The following RALYL variants were observed in gnomAD, a reference collection of about 807,000 sequenced individuals.
RALYL encodes the protein RNA-binding Raly-like protein.
Under a neutral mutation model 35.1 loss-of-function variants are expected in RALYL, and 29 were observed. That is an observed-to-expected ratio of 0.83 (90% CI 0.61 to 1.13). The LOEUF (loss-of-function observed/expected upper bound fraction) is 1.13. Ranked by LOEUF, RALYL falls within the 50% of genes most tolerant of loss-of-function variation. RALYL has a pLI of 0.00. For synonymous variants in RALYL, 120 were observed against 127.6 expected (o/e 0.94, Z 0.40); for missense variants, 359 against 360.4 (o/e 1.00, Z 0.03).
chr8:84,289,976 GT>G (rs1424527295), intron 1 of RALYL, among the ~76,000 whole-genome samples: 2 of 152,110 alleles, frequency 1.3e-5, no homozygotes, highest in Non-Finnish European at 2.9e-5. Context: ...AGACTGTCTG[GT>G]TTGAGGATGT....
At chr8:84,418,613 A>T (rs548977427) in intron 1 of RALYL, among the ~76,000 whole-genome samples, 1 of 152,196 alleles carries the variant, frequency 6.6e-6, no homozygotes, top group South Asian at 2.1e-4. Context: ...TCGTCCTTAC[A>T]TGAAATACCC....
intron 2 of RALYL, among the ~76,000 whole-genome samples, chr8:84,697,197 A>G (rs1839315973): frequency 6.6e-6 from 1 of 152,036 alleles, no homozygotes; most frequent in Non-Finnish European, 1.5e-5. Context: ...TACTATTCTT[A>G]GAAACAAAAA....
At chr8:84,857,565 A>C (rs1283521260) in intron 5 of RALYL, among the ~76,000 whole-genome samples, 1 of 152,226 alleles carries the variant, frequency 6.6e-6, no homozygotes, top group African/African-American at 2.4e-5. Context: ...TGACAGTAAA[A>C]TATAAGCATC....
intron 1 of RALYL, among the ~76,000 whole-genome samples, chr8:84,202,216 A>T (rs1052703240): frequency 1.3e-5 from 2 of 152,118 alleles, no homozygotes; most frequent in African/African-American, 4.8e-5. Context: ...TTAAAAAAAA[A>T]AAATAAAGCC....
chr8:84,311,895 G>A (rs796188541), intron 1 of RALYL, among the ~76,000 whole-genome samples: 1 of 152,276 alleles, frequency 6.6e-6, no homozygotes, highest in East Asian at 1.9e-4. Flanking sequence ...GTAAAAGAGT[G>A]ATAATCAAAT....
chr8:84,336,434 G>A (rs1485366461), intron 1 of RALYL, among the ~76,000 whole-genome samples: 2 of 151,742 alleles, frequency 1.3e-5, no homozygotes, highest in Non-Finnish European at 2.9e-5. Flanking sequence ...ATGATGTTTG[G>A]GAAAAAAGTA....
In RALYL at chr8:84,658,308, C is replaced by A. The variant is rs572452667; in HGVS notation, c.257-116271C>A. On this transcript the variant is annotated intron_variant, in intron 2 of 8. Coordinates refer to ENST00000521268, the MANE Select transcript of RALYL (RefSeq NM_173848.7). ...TGACCCTCAAAAAGTGTGTTTCTGG[C>A]TTCTGGATGGAGGTTACACTTCCTG... Among the ~76,000 whole-genome samples the A allele has an allele frequency of 4.9e-4, 74 of 152,276 alleles. No homozygotes were observed. The South Asian group carries it at 0.015, about 31-fold the overall frequency.
chr8:84,806,219 A>G lies in RALYL; in HGVS notation c.365+1417A>G, dbSNP rs143825058. Among the ~76,000 whole-genome samples the G allele has an allele frequency of 1.5e-3, 228 of 152,342 alleles. 1 individual carries two copies. The highest frequency in any genetic ancestry group is 5.0e-3 in the African/African-American group (209 of 41,570). On this transcript the variant is annotated intron_variant, in intron 4 of 8. Transcript: ENST00000521268. Reference sequence around the variant, plus strand: ...ATATATGCATTTATTTGAAGACTACATGGAAAATGAAAGGTCGAGTTGGTC... The same window carrying G: ...ATATATGCATTTATTTGAAGACTACGTGGAAAATGAAAGGTCGAGTTGGTC...
intron 1 of RALYL, among the ~76,000 whole-genome samples, chr8:84,438,026 T>C (rs1276542560): frequency 6.6e-6 from 1 of 152,200 alleles, no homozygotes; most frequent in Non-Finnish European, 1.5e-5. Context: ...TGAACAATTT[T>C]TCCTGTATTT....
At chr8:84,851,636 G>A (rs1835883750) in intron 5 of RALYL, among the ~76,000 whole-genome samples, 1 of 152,136 alleles carries the variant, frequency 6.6e-6, no homozygotes, top group East Asian at 1.9e-4. Flanking sequence ...CCTTGAAAGG[G>A]TCTTATTCTC....
chr8:84,727,597 T>C (rs1845224564), intron 2 of RALYL, among the ~76,000 whole-genome samples: 1 of 151,468 alleles, frequency 6.6e-6, no homozygotes, highest in South Asian at 2.1e-4. Context: ...GCAATAGGTA[T>C]ATCTCCCAAT....
At chr8:84,608,933 T>A (rs539465579) in intron 2 of RALYL, among the ~76,000 whole-genome samples, 16 of 150,984 alleles carry the variant, frequency 1.1e-4, no homozygotes, top group Admixed American at 7.3e-4. Context: ...TCTAATAGGC[T>A]TTTTTTTTCT....
At chr8:84,233,254 G>A (rs1825774497) in intron 1 of RALYL, among the ~76,000 whole-genome samples, 1 of 151,962 alleles carries the variant, frequency 6.6e-6, no homozygotes, top group African/African-American at 2.4e-5. Context: ...CAAAGCTCTG[G>A]GATTACAGAG....
At chr8:84,816,965 G>A (rs1827459728) in intron 4 of RALYL, among the ~76,000 whole-genome samples, 2 of 151,994 alleles carry the variant, frequency 1.3e-5, no homozygotes, top group Non-Finnish European at 2.9e-5. Context: ...ATACATCAAT[G>A]ATAAAAATAT....
chr8:84,561,411 G>T (rs953611792), intron 2 of RALYL, among the ~76,000 whole-genome samples: 1 of 151,786 alleles, frequency 6.6e-6, no homozygotes, highest in Non-Finnish European at 1.5e-5. Context: ...TAAAAATGAG[G>T]TCCGGTAGTC....
intron 4 of RALYL, among the ~76,000 whole-genome samples, chr8:84,823,314 A>C (rs934709636): frequency 6.6e-6 from 1 of 152,182 alleles, no homozygotes; most frequent in African/African-American, 2.4e-5. Flanking sequence ...GGTGTCTATA[A>C]TATAAGGCAT....
chr8:84,606,423 T>C (rs758558144), intron 2 of RALYL, among the ~76,000 whole-genome samples: 5 of 152,154 alleles, frequency 3.3e-5, no homozygotes, highest in Non-Finnish European at 5.9e-5. Flanking sequence ...TCTGCAGAAT[T>C]GGGAGACACT....
chr8:84,658,174 T>C (rs992124101), intron 2 of RALYL, among the ~76,000 whole-genome samples: 1 of 152,210 alleles, frequency 6.6e-6, no homozygotes, highest in Non-Finnish European at 1.5e-5. Context: ...GAAACTCAAC[T>C]GCACATGCCC....
At chr8:84,742,843 C>A (rs757662445) in intron 2 of RALYL, among the ~76,000 whole-genome samples, 1 of 151,916 alleles carries the variant, frequency 6.6e-6, no homozygotes, top group African/African-American at 2.4e-5. Flanking sequence ...TGTGCACATA[C>A]GGTTTAAATC....
Sources: gnomAD v4.1 joint callset for allele counts (sites outside exome capture counted in the v4.1 genomes callset) on GRCh38, gnomAD v4.1.1 for gene constraint, MANE v1.5 for transcripts, NCBI Gene and HGNC (gene_info 2026-07-23, HGNC 2026-07-21) for gene names.